NPDC1: variants seen among roughly 807,000 people sequenced by gnomAD.
NPDC1 encodes the protein neural proliferation, differentiation and control 1.
A neutral mutation model predicts 32.5 loss-of-function variants in NPDC1; 18 were observed. That is an observed-to-expected ratio of 0.55 (90% CI 0.38 to 0.82). The LOEUF (loss-of-function observed/expected upper bound fraction) is 0.82, where lower values mean the gene tolerates loss of function less well. Among genes scored for constraint, NPDC1 ranks in the 40% least tolerant of loss-of-function variants. NPDC1 has a pLI of 0.00. For missense variants in NPDC1, 468 were observed against 406.6 expected, an observed-to-expected ratio of 1.15 and a Z score of -1.30; for synonymous variants, 210 against 184.7, an observed-to-expected ratio of 1.14 and a Z score of -1.11.
In NPDC1 at chr9:137,040,974, G is replaced by A; in HGVS notation, c.396C>T (p.Gly132=). ...RQRLPEPATL[G]FSARGQGLEL... ...CCAGCCCCTGCCCCCGTGCCGAGAA[G>A]CCCAGGGTGGCTGCGAGAGAGGACA... Residue 132 remains glycine, a synonymous_variant, in exon 4 of 9, where the codon GGC becomes GGT. Coordinates refer to ENST00000371601, the MANE Select transcript of NPDC1 (RefSeq NM_015392.4). 6.5e-7 allele frequency: 1 copy of A among 1,539,240 alleles called. No individual in the cohort carries two copies. The highest frequency in any genetic ancestry group is 8.7e-7 in the Non-Finnish European group (1 of 1,145,810).
chr9:137,045,236 CA>C (rs1832112425), intron 1 of NPDC1, among the ~76,000 whole-genome samples: 2 of 152,246 alleles, frequency 1.3e-5, no homozygotes, highest in Non-Finnish European at 2.9e-5. Flanking sequence ...CCCTCAGTCC[CA>C]AAGACAGAAT....
chr9:137,040,942 C>G lies in NPDC1; in HGVS notation c.428G>C (p.Gly143Ala), dbSNP rs1832040030. ...FSARGQGLEL[G>A]LPSTPGTPTP... ...GGGGGTTCCTGGAGTGGAGGGGAGG[C>G]CCAGCTCCAGCCCCTGCCCCCGTGC... Residue 143 changes from glycine (G) to alanine (A), a missense_variant, in exon 4 of 9, where the codon GGC becomes GCC. By Grantham distance (60) the Gly-to-Ala change is moderately conservative. Coordinates refer to ENST00000371601, the MANE Select transcript of NPDC1 (RefSeq NM_015392.4). 6.4e-7 allele frequency: 1 copy of G among 1,556,160 alleles called. No individual in the cohort carries two copies. Among genetic ancestry groups the G allele is most frequent in the African/African-American group, 1.4e-5 (1 of 72,672 alleles).
In NPDC1 at chr9:137,040,552, C is replaced by T; in HGVS notation, c.670G>A (p.Ala224Thr). 6.3e-7 allele frequency: 1 copy of T among 1,587,594 alleles called. No individual in the cohort carries two copies. Among genetic ancestry groups the T allele is most frequent in the Non-Finnish European group, 8.5e-7 (1 of 1,172,768 alleles). ...GCTGCAGGTGAGCCAGGGGCCTTCG[C>T]AGTGGCGTAGTCGGCCTTCTGAGTC... is the stretch of plus-strand genomic sequence containing the variant. ...RLTQKADYAT[A>T]KAPGSPAAPR... Residue 224 changes from alanine (A) to threonine (T), a missense_variant, in exon 6 of 9, where the codon GCG (alanine) becomes ACG (threonine). Coordinates refer to ENST00000371601, the MANE Select transcript of NPDC1 (RefSeq NM_015392.4).
Position 137,043,181 on chromosome 9 carries a change from C to T in NPDC1, c.113-108G>A, listed in dbSNP as rs866308912. The T allele has an allele frequency of 1.5e-5, 20 of 1,311,376 alleles. 2 individuals are homozygous for T. The Middle Eastern group carries it at 2.7e-3, about 178-fold the overall frequency. The allele number at this position is 1,311,376 out of a possible 1,614,324, so 81.2% of individuals were successfully genotyped here. A position where few individuals can be genotyped will look rare whatever the true frequency, so the allele number is the denominator to read the frequency against. ...CGCCCCCGTCACCCCCCGAGCTGGC[C>T]GGGCCTGGTTCTGGCCATTGTTCTG... is the stretch of plus-strand genomic sequence containing the variant. On this transcript the variant is annotated intron_variant, in intron 1 of 8. Transcript: ENST00000371601.
rs1832123593 is a variant in NPDC1, at chr9:137,045,924, G to A, written c.66C>T (p.Gly22=). 5.1e-6 allele frequency: 6 copies of A among 1,172,912 alleles called. No individual in the cohort carries two copies. In the East Asian group the frequency reaches 1.5e-4, roughly 30 times the overall value. The allele number at this position is 1,172,912 out of a possible 1,614,324, so 72.7% of individuals were successfully genotyped here. The change falls in exon 1 of 9, where the codon GGC becomes GGT. Residue 22 remains glycine, a synonymous_variant. Transcript: ENST00000371601. ...CACGCAGGGCGGCGCCGAGGACGAG[G>A]CCGGAGAGCAGCAGCCGCAGCAGCC... ...HLRLLRLLLS[G]LVLGAALRGA...
At chr9:137,045,128 G>A (rs970043988) in intron 1 of NPDC1, among the ~76,000 whole-genome samples, 3 of 152,248 alleles carry the variant, frequency 2.0e-5, no homozygotes, top group African/African-American at 7.2e-5. Context: ...GGTTCCTGCA[G>A]GGAGCTCTGC....
chr9:137,043,387 C>A (rs1832086874), intron 1 of NPDC1: 1 of 702,210 alleles, frequency 1.4e-6, no homozygotes, highest in Non-Finnish European at 2.7e-6. Flanking sequence ...CAGGGCCGTG[C>A]AGCCCCACAA....
intron 2 of NPDC1, among the ~76,000 whole-genome samples, chr9:137,042,336 C>G (rs1447746171): frequency 6.6e-6 from 1 of 152,012 alleles, no homozygotes; most frequent in Non-Finnish European, 1.5e-5. Context: ...TCACTGCAAG[C>G]TCTGCCTCCC....
In NPDC1 at chr9:137,040,418, C is replaced by A; in HGVS notation, c.727G>T (p.Ala243Ser). ...PRISPGDQRL[A>S]QSAEMYHYQH... ...TAGTGGTACATCTCCGCGCTCTGTGCCAGCCGCTGGTCCCCAGGCTGTGGG... is the reference window on the plus strand; with the variant it reads ...TAGTGGTACATCTCCGCGCTCTGTGACAGCCGCTGGTCCCCAGGCTGTGGG... The change falls in exon 7 of 9, where the codon GCA (alanine) becomes TCA (serine). Residue 243 changes from alanine to serine, a missense_variant. Physicochemically the swap from Ala to Ser is moderately conservative, Grantham distance 99. Coordinates refer to ENST00000371601, the MANE Select transcript of NPDC1 (RefSeq NM_015392.4). 6.4e-7 allele frequency: 1 copy of A among 1,550,994 alleles called. No individual in the cohort carries two copies. Among genetic ancestry groups the A allele is most frequent in the Admixed American group, 2.0e-5 (1 of 51,154 alleles).
In NPDC1 at chr9:137,040,382, G is replaced by T; in HGVS notation, c.763C>A (p.Arg255=). The T allele has an allele frequency of 1.3e-6, 2 of 1,546,840 alleles. No individual in the cohort carries two copies. The highest frequency in any genetic ancestry group is 1.4e-5 in the African/African-American group (1 of 73,042). Residue 255 remains arginine, a synonymous_variant, in exon 7 of 9, where the codon CGG becomes AGG. Transcript: ENST00000371601. The part of the protein sequence containing the change: ...SAEMYHYQHQ[R]QQMLCLERHK... ...CGCTCCAGGCACAGCATCTGTTGCC[G>T]TTGGTGCTGGTAGTGGTACATCTCC...
In NPDC1 at chr9:137,043,406, T is replaced by A. The variant is rs189057052; in HGVS notation, c.113-333A>T. Reference sequence around the variant, plus strand: ...GCCGTGCAGCCCCACAAGCCCAGCCTCCGGCCTCAACATGCCCCACAGCAA... The same window carrying A: ...GCCGTGCAGCCCCACAAGCCCAGCCACCGGCCTCAACATGCCCCACAGCAA... On this transcript the variant is annotated intron_variant, in intron 1 of 8. Coordinates refer to ENST00000371601, the MANE Select transcript of NPDC1 (RefSeq NM_015392.4). The A allele has an allele frequency of 9.0e-4, 619 of 687,198 alleles. No homozygotes were observed. The African/African-American group carries it at 9.7e-3, about 11-fold the overall frequency. 42.6% of individuals were successfully genotyped at this position (687,198 alleles called of 1,614,324 possible). A position where few individuals can be genotyped will look rare whatever the true frequency, so the allele number is the denominator to read the frequency against.
Position 137,041,125 on chromosome 9 carries a change from G to C in NPDC1, c.322C>G (p.Arg108Gly), listed in dbSNP as rs150997508. 2.6e-6 allele frequency: 4 copies of C among 1,515,340 alleles called. No homozygotes were observed. Among genetic ancestry groups the C allele is most frequent in the East Asian group, 4.7e-5 (2 of 42,538 alleles). The allele number at this position is 1,515,340 out of a possible 1,614,324, so 93.9% of individuals were successfully genotyped here. A position where few individuals can be genotyped will look rare whatever the true frequency, so the allele number is the denominator to read the frequency against. The part of the protein sequence containing the change: ...EIDFLAQELA[R>G]KESGHSTPPL... ...GGAGTTGAGTGTCCAGACTCCTTCC[G>C]GGCAAGCTCCTGGGCCAGGAAGTCA... Residue 108 changes from arginine (R) to glycine (G), a missense_variant, in exon 3 of 9, where the codon CGG becomes GGG. By Grantham distance (125) the Arg-to-Gly change is moderately radical. Coordinates refer to ENST00000371601, the MANE Select transcript of NPDC1 (RefSeq NM_015392.4).
chr9:137,041,042 A>G lies in NPDC1; in HGVS notation c.385+20T>C. On this transcript the variant is annotated intron_variant, in intron 3 of 8. Coordinates refer to ENST00000371601, the MANE Select transcript of NPDC1 (RefSeq NM_015392.4). ...TGGGCTAGGGACAGGGCCGTGGGGC[A>G]GGGGAAGCGGGGGTCTCACCAGGCT... 6 of 1,519,162 alleles carry G rather than the reference A, an allele frequency of 3.9e-6. No homozygotes were observed. The highest frequency in any genetic ancestry group is 4.5e-5 in the Admixed American group (2 of 44,912). The allele number at this position is 1,519,162 out of a possible 1,614,324, so 94.1% of individuals were successfully genotyped here.
chr9:137,040,500 A>AG lies in NPDC1; in HGVS notation c.708+13dup. ...AGTTGGGCGGGAGCCTCAGGGCTGAAGGGGGCCACACACCGAGATCCGGGG... is the reference window on the plus strand; with the variant it reads ...AGTTGGGCGGGAGCCTCAGGGCTGAAGGGGGGCCACACACCGAGATCCGGGG... On this transcript the variant is annotated intron_variant, in intron 6 of 8. Transcript: ENST00000371601. 1 of 1,585,906 alleles carries AG rather than the reference A, an allele frequency of 6.3e-7. No individual in the cohort carries two copies. Among genetic ancestry groups the AG allele is most frequent in the East Asian group, 2.3e-5 (1 of 43,520 alleles).
chr9:137,042,737 T>C (rs755721843), intron 2 of NPDC1, 190 bp downstream of exon 2: 71 of 625,066 alleles, frequency 1.1e-4, no homozygotes, highest in Non-Finnish European at 1.7e-4. Context: ...TTTGTATTTT[T>C]AGTAGAGACG....
At position 137,040,341 on chromosome 9, in the gene NPDC1, C is replaced by T. The variant is rs753534073; in HGVS notation, c.788+16G>A. 1.1e-4 allele frequency: 163 copies of T among 1,535,658 alleles called. No homozygotes were observed. In the Admixed American group the frequency reaches 1.3e-3, roughly 12 times the overall value. On this transcript the variant is annotated intron_variant, in intron 7 of 8. Transcript: ENST00000371601. ...GGTGGGTGGGTGGGGGTGGCAGTGC[C>T]GGGGCGGCCACTCACCGCTCCAGGC... is the stretch of plus-strand genomic sequence containing the variant.
In NPDC1 at chr9:137,041,203, G is replaced by A. The variant is rs904583647; in HGVS notation, c.260-16C>T. On this transcript the variant is annotated splice_polypyrimidine_tract_variant and intron_variant, in intron 2 of 8. Transcript: ENST00000371601. ...CGGCCCCCGCCTGGGGAGGGTGAGG[G>A]GCCATCAGGTGGAGGGGTCCGTCCA... 1 of 1,424,864 alleles carries A rather than the reference G, an allele frequency of 7.0e-7. No homozygotes were observed. The highest frequency in any genetic ancestry group is 2.7e-5 in the East Asian group (1 of 37,724). 88.3% of individuals were successfully genotyped at this position (1,424,864 alleles called of 1,614,324 possible).
intron 1 of NPDC1, 100 bp from the exon 2 acceptor site, chr9:137,043,173 G>A (rs767940672): frequency 4.5e-5 from 49 of 1,094,814 alleles, no homozygotes; most frequent in South Asian, 3.8e-4. Context: ...GTCACCCCCC[G>A]AGCTGGCCGG....
At chr9:137,043,641 T>A in intron 1 of NPDC1, 1 of 489,574 alleles carries the variant, frequency 2.0e-6, no homozygotes, top group Non-Finnish European at 3.7e-6. Context: ...TGGAGTCTGC[T>A]GACCTCACTG....
Sources: gnomAD v4.1 joint callset for allele counts (sites outside exome capture counted in the v4.1 genomes callset) on GRCh38, gnomAD v4.1.1 for gene constraint, MANE v1.5 for transcripts, NCBI Gene and HGNC (gene_info 2026-07-23, HGNC 2026-07-21) for gene names.